MGAM2: variants seen among roughly 807,000 people sequenced by gnomAD.
The protein encoded by MGAM2 is maltase-glucoamylase 2 (putative).
A neutral mutation model predicts 96.1 loss-of-function variants in MGAM2; 98 were observed. The observed-to-expected ratio is 1.02, with a 90% CI of 0.87 to 1.21. The LOEUF (loss-of-function observed/expected upper bound fraction) is 1.21. MGAM2 is among the 50% of genes most tolerant of loss of function. The probability of loss-of-function intolerance (pLI) is 0.00; values close to 1 mark genes in which losing one functional copy is unlikely to be tolerated. For missense variants in MGAM2, 2,055 were observed against 1,182.4 expected (o/e 1.74, Z -10.82); for synonymous variants, 749 against 414.8 (o/e 1.81, Z -9.79).
intron 1 of MGAM2, among the ~76,000 whole-genome samples, chr7:142,115,956 A>T (rs1313257522): frequency 1.3e-5 from 2 of 152,206 alleles, no homozygotes; most frequent in Non-Finnish European, 1.5e-5. Context: ...AGTTCTGGGG[A>T]TGATAAATTC....
intron 36 of MGAM2, among the ~76,000 whole-genome samples, chr7:142,188,104 C>A (rs1035566930): frequency 1.3e-4 from 12 of 91,130 alleles, no homozygotes; most frequent in African/African-American, 5.9e-4. Context: ...TTAAATAAAC[C>A]CTTAAACACA....
chr7:142,216,233 AT>A (rs1797756636), intron 46 of MGAM2, among the ~76,000 whole-genome samples: 1 of 152,140 alleles, frequency 6.6e-6, no homozygotes. Flanking sequence ...GACTCTACAT[AT>A]TTTTTCCTCT....
At chr7:142,188,483 C>T (rs75695815) in intron 36 of MGAM2, among the ~76,000 whole-genome samples, 11,318 of 152,060 alleles carry the variant, frequency 0.074, 516 homozygotes, top group Middle Eastern at 0.14. Context: ...AAAACAACAA[C>T]AACAAAAGGC....
chr7:142,219,235 A>T (rs922152627), intron 47 of MGAM2, among the ~76,000 whole-genome samples: 1 of 152,204 alleles, frequency 6.6e-6, no homozygotes, highest in Non-Finnish European at 1.5e-5. Flanking sequence ...GTGAAAATGG[A>T]TAACCATAGT....
At chr7:142,174,715 CTTTTTTT>C (rs34480300) in intron 31 of MGAM2, among the ~76,000 whole-genome samples, 4 of 85,444 alleles carry the variant, frequency 4.7e-5, no homozygotes, top group South Asian at 5.4e-4. Context: ...CTCTCTCTCT[CTTTTTTT>C]TTTTTTTTTT....
intron 46 of MGAM2, 113 bp downstream of exon 46, chr7:142,208,735 C>T (rs1797487260): frequency 3.3e-6 from 2 of 608,326 alleles, no homozygotes; most frequent in Admixed American, 2.9e-5. Context: ...GTTCTTCTTG[C>T]CTTTACTTTT....
chr7:142,135,638 G>A (rs1311803425), intron 7 of MGAM2, among the ~76,000 whole-genome samples: 4 of 151,710 alleles, frequency 2.6e-5, no homozygotes, highest in Non-Finnish European at 5.9e-5. Context: ...CTTTGGCTAA[G>A]ATGATGATAC....
rs766220454 is a variant in MGAM2 at position 142,198,183 on chromosome 7, T to C, written c.4911T>C (p.Tyr1637=). ...ISAYFPRARW[Y]DYSTGTSSTS... ...CTTATTTTCCGAGAGCCCGTTGGTA[T>C]GACTATAGCACGGTAAGAACTAATA... is the stretch of plus-strand genomic sequence containing the variant. The change falls in exon 43 of 48, where the codon TAT becomes TAC. Residue 1637 remains tyrosine, a synonymous_variant. Transcript: ENST00000477922. 2.4e-5 allele frequency: 17 copies of C among 702,956 alleles called. No individual in the cohort carries two copies. The highest frequency in any genetic ancestry group is 1.5e-4 in the South Asian group (10 of 67,580). 43.5% of individuals were successfully genotyped at this position (702,956 alleles called of 1,614,324 possible).
chr7:142,181,621 G>A (rs1380732658), intron 32 of MGAM2, among the ~76,000 whole-genome samples: 1 of 152,184 alleles, frequency 6.6e-6, no homozygotes, highest in Admixed American at 6.5e-5. Context: ...TCCCTGACAG[G>A]CTGTGCTCTT....
chr7:142,112,002 G>C (rs939524739), intron 1 of MGAM2, among the ~76,000 whole-genome samples, 195 bp downstream of exon 1: 1 of 69,168 alleles, frequency 1.4e-5, no homozygotes, highest in African/African-American at 6.8e-5. Flanking sequence ...GAGAGACTGT[G>C]TGTGTGTGTG....
At chr7:142,173,381 T>A (rs1400229315) in intron 31 of MGAM2, 27 bp downstream of exon 31, 1 of 697,376 alleles carries the variant, frequency 1.4e-6, no homozygotes, top group Admixed American at 2.0e-5. Context: ...CAGCCCAAGG[T>A]GTAATTAGTT....
At chr7:142,118,634 G>A (rs114461994) in intron 2 of MGAM2, among the ~76,000 whole-genome samples, 3,223 of 152,248 alleles carry the variant, frequency 0.021, 121 homozygotes, top group African/African-American at 0.074. Context: ...AATGTTGAGT[G>A]AAGATGTGTA....
intron 46 of MGAM2, among the ~76,000 whole-genome samples, chr7:142,214,353 A>C (rs188915861): frequency 7.9e-5 from 12 of 152,214 alleles, no homozygotes; most frequent in African/African-American, 2.7e-4. Flanking sequence ...AAATAGGAAG[A>C]GAGGAAGCCA....
At chr7:142,195,266 T>C (rs1796996236) in intron 37 of MGAM2, among the ~76,000 whole-genome samples, 1 of 150,664 alleles carries the variant, frequency 6.6e-6, no homozygotes, top group Non-Finnish European at 1.5e-5. Flanking sequence ...ACTTCTGGCC[T>C]CAAGCAGTCC....
chr7:142,209,354 C>T (rs979870635), intron 46 of MGAM2, among the ~76,000 whole-genome samples: 1 of 152,140 alleles, frequency 6.6e-6, no homozygotes, highest in Non-Finnish European at 1.5e-5. Flanking sequence ...GGACAGAATG[C>T]CTCAACTGGA....
chr7:142,132,066 A>G lies in MGAM2; in HGVS notation c.556A>G (p.Thr186Ala). The G allele has an allele frequency of 1.4e-6, 1 of 703,038 alleles. No homozygotes were observed. The highest frequency in any genetic ancestry group is 2.6e-6 in the Non-Finnish European group (1 of 384,976). The allele number at this position is 703,038 out of a possible 1,614,324, so 43.5% of individuals were successfully genotyped here. ...DKPFSIKIMR[T>A]SNRRVLLDTS... ...ACCTTTCAGCATCAAAATAATGAGG[A>G]CAAGCAACAGAAGAGTCTTGTGAGC... is the stretch of plus-strand genomic sequence containing the variant. Residue 186 changes from threonine to alanine, a missense_variant, in exon 6 of 48, where the codon ACA becomes GCA. Coordinates refer to ENST00000477922, the MANE Select transcript of MGAM2 (RefSeq NM_001293626.2).
chr7:142,129,016 G>A (rs539920534), intron 3 of MGAM2, among the ~76,000 whole-genome samples: 1 of 152,244 alleles, frequency 6.6e-6, no homozygotes, highest in Admixed American at 6.5e-5. Flanking sequence ...GCAGCCAAGA[G>A]GGGGGCTGTA....
intron 45 of MGAM2, among the ~76,000 whole-genome samples, chr7:142,200,849 G>A (rs931851478): frequency 3.3e-5 from 5 of 151,824 alleles, no homozygotes; most frequent in Admixed American, 6.6e-5. Flanking sequence ...TACTAACTTT[G>A]GCTTTTGTAT....
At chr7:142,147,342 G>A (rs111964003) in intron 14 of MGAM2, 114 bp from the exon 15 acceptor site, 10,300 of 574,076 alleles carry the variant, frequency 0.018, 140 homozygotes, top group Non-Finnish European at 0.025. Flanking sequence ...AATGGATTTG[G>A]TCAGGTGGAG....
Sources: gnomAD v4.1 joint callset for allele counts (sites outside exome capture counted in the v4.1 genomes callset) on GRCh38, gnomAD v4.1.1 for gene constraint, MANE v1.5 for transcripts, NCBI Gene and HGNC (gene_info 2026-07-23, HGNC 2026-07-21) for gene names.